Variants in METTL8 observed in about 807,000 individuals in gnomAD.
METTL8 encodes tRNA N(3)-cytidine methyltransferase METTL8, mitochondrial.
In METTL8, 32 loss-of-function variants were observed where a neutral mutation model predicts 48.7. The observed-to-expected ratio is 0.66, with a 90% confidence interval of 0.50 to 0.88. The LOEUF is 0.88. Ranked by LOEUF, METTL8 falls within the 40% of genes least tolerant of loss-of-function variation. The pLI, the probability that METTL8 is intolerant of heterozygous loss-of-function variation, is 0.00. For missense variants in METTL8, 464 were observed against 474.4 expected, an observed-to-expected ratio of 0.98 and a Z score of 0.20; for synonymous variants, 136 against 157.1, an observed-to-expected ratio of 0.87 and a Z score of 1.01.
chr2:171,425,043 A>C (rs1438551281), intron 1 of METTL8, among the ~76,000 whole-genome samples: 1 of 152,012 alleles, frequency 6.6e-6, no homozygotes, highest in Non-Finnish European at 1.5e-5. Flanking sequence ...ATGGTTTTAT[A>C]AGGGGCTTTT....
intron 2 of METTL8, among the ~76,000 whole-genome samples, chr2:171,388,931 ATG>A (rs1376972219): frequency 6.6e-6 from 1 of 152,168 alleles, no homozygotes; most frequent in African/African-American, 2.4e-5. Context: ...GATAAATGTT[ATG>A]TGTGTTCTGA....
At chr2:171,381,882 A>G (rs1687581516) in intron 2 of METTL8, among the ~76,000 whole-genome samples, 1 of 151,604 alleles carries the variant, frequency 6.6e-6, no homozygotes, top group African/African-American at 2.4e-5. Context: ...CCAGGGTTCA[A>G]GCGATTCTCC....
rs1028878102 is a variant in METTL8, at chr2:171,322,093, G to C, written c.*2079C>G. 6.6e-6 allele frequency: 1 copy of C among 151,656 alleles called. No homozygotes were observed. Among genetic ancestry groups the C allele is most frequent in the Admixed American group, 6.6e-5 (1 of 15,194 alleles). The allele number at this position is 151,656 out of a possible 1,614,324, so 9.4% of individuals were successfully genotyped here. A position where few individuals can be genotyped will look rare whatever the true frequency, so the allele number is the denominator to read the frequency against. ...TTCTCCTGCCTCAGCCTCCCGAGTAGCTGGGATTACAGGTGCCCACCACCA... is the reference window on the plus strand; with the variant it reads ...TTCTCCTGCCTCAGCCTCCCGAGTACCTGGGATTACAGGTGCCCACCACCA... On this transcript the variant is annotated 3_prime_UTR_variant, in exon 10 of 10. Transcript: ENST00000375258.
chr2:171,398,781 T>C (rs1375711571), intron 1 of METTL8, among the ~76,000 whole-genome samples: 1 of 152,174 alleles, frequency 6.6e-6, no homozygotes, highest in Non-Finnish European at 1.5e-5. Flanking sequence ...CTTCACTGTG[T>C]ATATGTACAT....
rs756609608 is a variant in METTL8 at position 171,320,256 on chromosome 2, C to T, written c.*3916G>A. The T allele has an allele frequency of 1.3e-5, 2 of 151,650 alleles. No individual in the cohort carries two copies. The highest frequency in any genetic ancestry group is 2.9e-5 in the Non-Finnish European group (2 of 67,950). The allele number at this position is 151,650 out of a possible 1,614,324, so 9.4% of individuals were successfully genotyped here. ...AGCAGAAGACACTGGTGGAAATGGC[C>T]CTGCTGCGCAGCCATGTGGAATAGG... is the stretch of plus-strand genomic sequence containing the variant. On this transcript the variant is annotated 3_prime_UTR_variant, in exon 10 of 10. Coordinates refer to ENST00000375258, the MANE Select transcript of METTL8 (RefSeq NM_001321154.2).
intron 3 of METTL8, among the ~76,000 whole-genome samples, chr2:171,356,665 GTCTT>G (rs1243469178): frequency 6.6e-6 from 1 of 151,712 alleles, no homozygotes; most frequent in African/African-American, 2.4e-5. Context: ...TGCAGTATTT[GTCTT>G]TCTGTGCTTG....
intron 3 of METTL8, among the ~76,000 whole-genome samples, chr2:171,353,872 C>T (rs901979248): frequency 1.3e-5 from 2 of 152,064 alleles, no homozygotes; most frequent in Non-Finnish European, 2.9e-5. Context: ...TGAGATGGGT[C>T]TCCTGAATAC....
intron 3 of METTL8, among the ~76,000 whole-genome samples, chr2:171,348,854 T>A (rs968674768): frequency 3.9e-5 from 6 of 152,126 alleles, no homozygotes; most frequent in Admixed American, 2.0e-4. Context: ...AAGGGAGAAA[T>A]CATTTTAAGA....
intron 6 of METTL8, 81 bp from the exon 7 acceptor site, chr2:171,330,779 A>C (rs534567164): frequency 3.4e-6 from 4 of 1,186,674 alleles, no homozygotes; most frequent in Non-Finnish European, 4.7e-6. Context: ...AAAAAGGTCA[A>C]ATTTTTAACC....
At position 171,325,916 on chromosome 2, in the gene METTL8, A is replaced by G. The variant is rs773628759; in HGVS notation, c.968-10T>C. ...TCAGATAAACAATGTCCTGAAAAAA[A>G]TTGTGAAAAGAGAAACTCTTAAGGG... On this transcript the variant is annotated splice_polypyrimidine_tract_variant and intron_variant, in intron 8 of 9. Coordinates refer to ENST00000375258, the MANE Select transcript of METTL8 (RefSeq NM_001321154.2). 10 of 1,580,060 alleles carry G rather than the reference A, an allele frequency of 6.3e-6. No individual in the cohort carries two copies. In the East Asian group the frequency reaches 2.2e-4, roughly 35 times the overall value.
At chr2:171,358,681 CT>C (rs2105468341) in intron 3 of METTL8, among the ~76,000 whole-genome samples, 1 of 151,856 alleles carries the variant, frequency 6.6e-6, no homozygotes, top group Admixed American at 6.6e-5. Flanking sequence ...AGACTTAAAT[CT>C]ATGACCTGAA....
chr2:171,386,326 T>C (rs1429446471), intron 2 of METTL8, among the ~76,000 whole-genome samples: 2 of 152,200 alleles, frequency 1.3e-5, no homozygotes, highest in Admixed American at 6.5e-5. Context: ...GTGATAACTA[T>C]CCATATTGGT....
intron 2 of METTL8, among the ~76,000 whole-genome samples, chr2:171,367,305 A>C (rs1256685919): frequency 6.6e-6 from 1 of 152,174 alleles, no homozygotes; most frequent in Non-Finnish European, 1.5e-5. Context: ...TGGGAAAAGA[A>C]ATGCAAACTA....
At chr2:171,327,843 A>C (rs921434176) in intron 7 of METTL8, among the ~76,000 whole-genome samples, 5 of 152,264 alleles carry the variant, frequency 3.3e-5, no homozygotes, top group Non-Finnish European at 7.3e-5. Flanking sequence ...AAACCTTAAA[A>C]TATTCACTTT....
intron 3 of METTL8, among the ~76,000 whole-genome samples, chr2:171,354,611 T>G (rs1038029793): frequency 3.3e-5 from 5 of 152,332 alleles, no homozygotes; most frequent in Admixed American, 2.0e-4. Context: ...AGACGTAGAT[T>G]TGGTCTTTTC....
intron 1 of METTL8, among the ~76,000 whole-genome samples, chr2:171,412,631 T>C (rs1001383124): frequency 6.7e-6 from 1 of 149,468 alleles, no homozygotes; most frequent in Non-Finnish European, 1.5e-5. Flanking sequence ...GCACAGGCAA[T>C]GTGGATAAAA....
At chr2:171,329,315 T>C (rs559727926) in intron 7 of METTL8, among the ~76,000 whole-genome samples, 9 of 152,356 alleles carry the variant, frequency 5.9e-5, no homozygotes, top group Middle Eastern at 6.8e-3. Flanking sequence ...AACATTCAAT[T>C]CAAATCATGA....
Position 171,430,466 on chromosome 2 carries a change from G to A in METTL8, c.-13+3417C>T, listed in dbSNP as rs111329042. Among the ~76,000 whole-genome samples, 512 of 152,116 alleles carry A rather than the reference G, an allele frequency of 3.4e-3. 1 individual carries two copies. Among genetic ancestry groups the A allele is most frequent in the African/African-American group, 0.011 (468 of 41,468 alleles). On this transcript the variant is annotated intron_variant, in intron 1 of 9. Transcript: ENST00000375258. ...CGGGTTGATGGGTGCAGCAAATCAC[G>A]ATGGCACATGTATACCTATATAACA...
intron 2 of METTL8, among the ~76,000 whole-genome samples, chr2:171,366,698 CT>C (rs1381049438): frequency 6.6e-6 from 1 of 151,924 alleles, no homozygotes; most frequent in African/African-American, 2.4e-5. Context: ...AAAGGAAATT[CT>C]AGAACAAACC....
Sources: allele counts gnomAD v4.1 joint callset (sites outside exome capture counted in the v4.1 genomes callset), GRCh38; gene constraint gnomAD v4.1.1; transcripts MANE v1.5; gene names NCBI Gene and HGNC (gene_info 2026-07-23, HGNC 2026-07-21).